Variants in RNF144B observed in about 807,000 individuals in gnomAD.
RNF144B encodes the protein E3 ubiquitin-protein ligase RNF144B.
In RNF144B, 25 loss-of-function variants were observed where a neutral mutation model predicts 40.2. The ratio of observed to expected loss-of-function variants is 0.62; its 90% CI spans 0.45 to 0.87. RNF144B has a LOEUF of 0.87. Ranked by LOEUF, RNF144B falls within the 40% of genes least tolerant of loss-of-function variation. RNF144B has a pLI of 0.00. For synonymous variants in RNF144B, 145 were observed against 136.3 expected, an observed-to-expected ratio of 1.06 and a Z score of -0.44; for missense variants, 365 against 373.7, an observed-to-expected ratio of 0.98 and a Z score of 0.19.
At position 18,422,868 on chromosome 6, in the gene RNF144B, G is replaced by C. The variant is rs1016642132; in HGVS notation, c.166-4713G>C. Among the ~76,000 whole-genome samples the C allele has an allele frequency of 7.3e-5, 11 of 151,060 alleles. No individual in the cohort carries two copies. In the East Asian group the frequency reaches 1.9e-3, roughly 27 times the overall value. On this transcript the variant is annotated intron_variant, in intron 2 of 7. Transcript: ENST00000259939. The surrounding 1 kb of genome is among the most constrained non-coding windows in gnomAD (Gnocchi z 4.7). ...AGCTACTGAGGAGCTGAGGTGGGAG[G>C]ATCACTGAACCCAGGAGTTTGAGGT... is the stretch of plus-strand genomic sequence containing the variant.
chr6:18,420,313 A>G (rs1795232178), intron 2 of RNF144B, among the ~76,000 whole-genome samples: 1 of 151,982 alleles, frequency 6.6e-6, no homozygotes, highest in Non-Finnish European at 1.5e-5. Context: ...CAGATTTTGG[A>G]TTTTCAGATT....
chr6:18,432,265 G>C (rs766297491), intron 3 of RNF144B, among the ~76,000 whole-genome samples: 1 of 152,186 alleles, frequency 6.6e-6, no homozygotes, highest in Non-Finnish European at 1.5e-5. Context: ...GTGCCCTTCA[G>C]ATACTGAGGG....
At chr6:18,401,197 A>G (rs1347639509) in intron 2 of RNF144B, among the ~76,000 whole-genome samples, 2 of 152,212 alleles carry the variant, frequency 1.3e-5, no homozygotes, top group East Asian at 1.9e-4. Flanking sequence ...CGTGTGCGTC[A>G]ACATTGGGGA....
At position 18,406,457 on chromosome 6, in the gene RNF144B, A is replaced by AGTGTGTGTGT. The variant is rs58124564; in HGVS notation, c.165+6793_165+6802dup. Among the ~76,000 whole-genome samples the AGTGTGTGTGT allele has an allele frequency of 6.5e-3, 849 of 130,974 alleles. 13 individuals are homozygous for AGTGTGTGTGT. The highest frequency in any genetic ancestry group is 0.02 in the Middle Eastern group (5 of 252). The allele number at this position is 130,974 out of a possible 152,430, so 85.9% of individuals were successfully genotyped here. On this transcript the variant is annotated intron_variant, in intron 2 of 7. Transcript: ENST00000259939. This position sits in a 1 kb window ranked among gnomAD's most constrained non-coding sequence, Gnocchi z 4.2. ...CAAAGGAGGCTGGTGTGGCTGGAAA[A>AGTGTGTGTGT]GTGTGTGTGTGTGTGTGTGTGTGTG...
rs1325363648 is a variant in RNF144B, at chr6:18,443,178, T to C, written c.331+3434T>C. On this transcript the variant is annotated intron_variant, in intron 4 of 7. Transcript: ENST00000259939. This position sits in a 1 kb window ranked among gnomAD's most constrained non-coding sequence, Gnocchi z 4.7. ...CATAAAGTATTGCAGTGTATTAAAT[T>C]TAGTGGCCTTTTGATTTAACCTCCT... 6.6e-6 allele frequency among the ~76,000 whole-genome samples: 1 copy of C among 152,226 alleles called. No individual in the cohort carries two copies. The highest frequency in any genetic ancestry group is 1.5e-5 in the Non-Finnish European group (1 of 68,042).
At chr6:18,436,013 A>C (rs1443503651) in intron 3 of RNF144B, among the ~76,000 whole-genome samples, 1 of 152,048 alleles carries the variant, frequency 6.6e-6, no homozygotes, top group Non-Finnish European at 1.5e-5. Flanking sequence ...CCTAAAACTT[A>C]AAGTATAATA....
intron 2 of RNF144B, among the ~76,000 whole-genome samples, chr6:18,403,673 G>A (rs939986555): frequency 2.6e-5 from 4 of 152,292 alleles, no homozygotes; most frequent in Admixed American, 1.3e-4. Flanking sequence ...TTGGGAGACC[G>A]TCTTAGTCCA....
At chr6:18,401,076 G>A (rs1794794162) in intron 2 of RNF144B, among the ~76,000 whole-genome samples, 1 of 152,186 alleles carries the variant, frequency 6.6e-6, no homozygotes, top group Non-Finnish European at 1.5e-5. Flanking sequence ...TGAAACAAAT[G>A]AGTCAGAAGC....
Position 18,400,599 on chromosome 6 carries a change from C to T in RNF144B, c.165+900C>T, listed in dbSNP as rs537255600. Among the ~76,000 whole-genome samples, 13 of 152,110 alleles carry T rather than the reference C, an allele frequency of 8.5e-5. No individual in the cohort carries two copies. Among genetic ancestry groups the T allele is most frequent in the African/African-American group, 2.2e-4 (9 of 41,484 alleles). On this transcript the variant is annotated intron_variant, in intron 2 of 7. Coordinates refer to ENST00000259939, the MANE Select transcript of RNF144B (RefSeq NM_182757.4). The surrounding 1 kb of genome is among the most constrained non-coding windows in gnomAD (Gnocchi z 5.6). ...CTGCCACTTTTCCTTGAAGGTTGGT[C>T]GGTTAAGGTATAAAGGTAGGAAATA...
rs1254172184 is a variant in RNF144B at position 18,441,736 on chromosome 6, G to A, written c.331+1992G>A. On this transcript the variant is annotated intron_variant, in intron 4 of 7. Transcript: ENST00000259939. The surrounding 1 kb of genome is among the most constrained non-coding windows in gnomAD (Gnocchi z 4.9). ...CTGGTAAGCTGTGTGACCATGGCAA[G>A]GTCCTTAATATTTCTGCATCTCAAC... Among the ~76,000 whole-genome samples, 2 of 152,146 alleles carry A rather than the reference G, an allele frequency of 1.3e-5. No homozygotes were observed. The highest frequency in any genetic ancestry group is 2.9e-5 in the Non-Finnish European group (2 of 68,038).
chr6:18,404,246 T>C (rs568631153), intron 2 of RNF144B, among the ~76,000 whole-genome samples: 34 of 152,342 alleles, frequency 2.2e-4, no homozygotes, highest in African/African-American at 8.2e-4. Context: ...TAATGCCACT[T>C]TCCTATTTCT....
Position 18,456,377 on chromosome 6 carries a change from C to T in RNF144B, c.332-778C>T, listed in dbSNP as rs750933199. Among the ~76,000 whole-genome samples, 1 of 152,156 alleles carries T rather than the reference C, an allele frequency of 6.6e-6. No homozygotes were observed. Among genetic ancestry groups the T allele is most frequent in the African/African-American group, 2.4e-5 (1 of 41,428 alleles). ...ATTTTCTTCCTTGTTCTTTAATTTCCTGGGAATGTGGAAGAAACCTCACTA... is the reference window on the plus strand; with the variant it reads ...ATTTTCTTCCTTGTTCTTTAATTTCTTGGGAATGTGGAAGAAACCTCACTA... On this transcript the variant is annotated intron_variant, in intron 4 of 7. Transcript: ENST00000259939. This position sits in a 1 kb window ranked among gnomAD's most constrained non-coding sequence, Gnocchi z 4.7.
At chr6:18,440,300 A>G (rs1426501195) in intron 4 of RNF144B, among the ~76,000 whole-genome samples, 2 of 152,132 alleles carry the variant, frequency 1.3e-5, no homozygotes, top group East Asian at 3.9e-4. Context: ...TATAAGAATT[A>G]TATTTTTACT....
chr6:18,398,546 T>G lies in RNF144B; in HGVS notation c.-36-953T>G, dbSNP rs1794735323. On this transcript the variant is annotated intron_variant, in intron 1 of 7. Coordinates refer to ENST00000259939, the MANE Select transcript of RNF144B (RefSeq NM_182757.4). This position sits in a 1 kb window ranked among gnomAD's most constrained non-coding sequence, Gnocchi z 5.0. ...CACTGTGCCTGGCTAATTTTGTATT[T>G]TTGTATTTTTTGTAATTTTGTATTT... Among the ~76,000 whole-genome samples the G allele has an allele frequency of 6.6e-6, 1 of 152,066 alleles. No homozygotes were observed. Among genetic ancestry groups the G allele is most frequent in the African/African-American group, 2.4e-5 (1 of 41,434 alleles).
chr6:18,437,643 G>T (rs1306988826), intron 3 of RNF144B, among the ~76,000 whole-genome samples: 1 of 152,096 alleles, frequency 6.6e-6, no homozygotes. Flanking sequence ...ACTTAAATGA[G>T]AAATCCAAAG....
intron 4 of RNF144B, among the ~76,000 whole-genome samples, chr6:18,455,950 T>C (rs1759315244): frequency 6.6e-6 from 1 of 151,972 alleles, no homozygotes; most frequent in Non-Finnish European, 1.5e-5. Flanking sequence ...TGAGACGGAG[T>C]CTTGCTCTGT....
At position 18,434,478 on chromosome 6, in the gene RNF144B, C is replaced by T. The variant is rs796929589; in HGVS notation, c.271-5206C>T. Among the ~76,000 whole-genome samples, 14 of 152,134 alleles carry T rather than the reference C, an allele frequency of 9.2e-5. No homozygotes were observed. The highest frequency in any genetic ancestry group is 2.9e-4 in the African/African-American group (12 of 41,496). On this transcript the variant is annotated intron_variant, in intron 3 of 7. Transcript: ENST00000259939. This position sits in a 1 kb window ranked among gnomAD's most constrained non-coding sequence, Gnocchi z 4.1. ...CTTTTCATTTCTTCTTGGTTGTGGA[C>T]GTTAGAGAGATTAAATCACAGTTGT...
Position 18,460,386 on chromosome 6 carries a change from T to C in RNF144B, c.681+635T>C, listed in dbSNP as rs569969538. Reference sequence around the variant, plus strand: ...TGAGATTGGGCCCATCAGGATAATGTAGGATAATCTCCTTTATCTCAAGGT... The same window carrying C: ...TGAGATTGGGCCCATCAGGATAATGCAGGATAATCTCCTTTATCTCAAGGT... On this transcript the variant is annotated intron_variant, in intron 6 of 7. Coordinates refer to ENST00000259939, the MANE Select transcript of RNF144B (RefSeq NM_182757.4). The surrounding 1 kb of genome is among the most constrained non-coding windows in gnomAD (Gnocchi z 4.4). Among the ~76,000 whole-genome samples, 21 of 152,314 alleles carry C rather than the reference T, an allele frequency of 1.4e-4. No individual in the cohort carries two copies. The East Asian group carries it at 3.1e-3, about 22-fold the overall frequency.
In RNF144B at chr6:18,414,063, C is replaced by T. The variant is rs758360443; in HGVS notation, c.166-13518C>T. On this transcript the variant is annotated intron_variant, in intron 2 of 7. Transcript: ENST00000259939. The surrounding 1 kb of genome is among the most constrained non-coding windows in gnomAD (Gnocchi z 4.9). ...TTCCAGGTTTTGCAGGATAAATCCT[C>T]GGGGGAATATTGTGAGGTGAGGAAT... Among the ~76,000 whole-genome samples, 7 of 152,030 alleles carry T rather than the reference C, an allele frequency of 4.6e-5. No individual in the cohort carries two copies. The highest frequency in any genetic ancestry group is 1.9e-4 in the East Asian group (1 of 5,186).
Sources: allele counts gnomAD v4.1 joint callset (sites outside exome capture counted in the v4.1 genomes callset), GRCh38; gene constraint gnomAD v4.1.1; non-coding constraint Gnocchi (gnomAD v3.1); transcripts MANE v1.5; gene names NCBI Gene and HGNC (gene_info 2026-07-23, HGNC 2026-07-21).